VWC2: variants seen among roughly 807,000 people sequenced by gnomAD.
VWC2 encodes the protein von Willebrand factor C domain containing 2.
A neutral mutation model predicts 29.8 loss-of-function variants in VWC2; 14 were observed. The observed-to-expected ratio is 0.47, with a 90% CI of 0.31 to 0.74. The LOEUF is 0.74. Ranked by LOEUF, VWC2 falls within the 30% of genes least tolerant of loss-of-function variation. The pLI is 0.05. For synonymous variants in VWC2, 213 were observed against 199.0 expected (o/e 1.07, Z -0.59); for missense variants, 457 against 459.8 (o/e 0.99, Z 0.05).
chr7:49,857,905 G>C (rs1383114115), intron 3 of VWC2, among the ~76,000 whole-genome samples: 2 of 152,092 alleles, frequency 1.3e-5, no homozygotes, highest in South Asian at 4.2e-4. Context: ...AGCTAAGTTT[G>C]GTGTTTCCAC....
rs143312200 is a variant in VWC2 at position 49,798,032 on chromosome 7, G to A, written c.697-4679G>A. Among the ~76,000 whole-genome samples the A allele has an allele frequency of 3.5e-3, 535 of 152,356 alleles. 4 individuals carry two copies. Among genetic ancestry groups the A allele is most frequent in the Middle Eastern group, 0.01 (3 of 294 alleles). On this transcript the variant is annotated intron_variant, in intron 2 of 3. Coordinates refer to ENST00000340652, the MANE Select transcript of VWC2 (RefSeq NM_198570.5). The stretch of plus-strand genomic sequence containing the variant: ...CTGGGAAAATGATAACTTTAGAAGA[G>A]GAGAAAAGTTTGTGTCATCTGATCG...
chr7:49,838,613 G>A (rs1051425107), intron 3 of VWC2, among the ~76,000 whole-genome samples: 4 of 151,978 alleles, frequency 2.6e-5, no homozygotes, highest in African/African-American at 9.7e-5. Context: ...TTGAGTAGAC[G>A]ATGCCCTTGG....
chr7:49,782,334 T>C (rs1319909440), intron 2 of VWC2, among the ~76,000 whole-genome samples: 1 of 152,108 alleles, frequency 6.6e-6, no homozygotes, highest in African/African-American at 2.4e-5. Context: ...TAGTGCCCCC[T>C]CCAAAATCAT....
chr7:49,891,220 A>G (rs566368398), intron 3 of VWC2, among the ~76,000 whole-genome samples: 1 of 152,342 alleles, frequency 6.6e-6, no homozygotes, highest in East Asian at 1.9e-4. Flanking sequence ...CAGAACAGAC[A>G]AAGTAGATTT....
rs1445983000 is a variant in VWC2, at chr7:49,916,779, T to G, written c.*4594T>G. On this transcript the variant is annotated 3_prime_UTR_variant, in exon 4 of 4. Coordinates refer to ENST00000340652, the MANE Select transcript of VWC2 (RefSeq NM_198570.5). ...TACTGTTTGCCAACCCAGTTGTCTT[T>G]TGATTTCTCTGTCAACTTACAAGTA... 1 of 152,250 alleles carries G rather than the reference T, an allele frequency of 6.6e-6. No homozygotes were observed. The highest frequency in any genetic ancestry group is 2.4e-5 in the African/African-American group (1 of 41,470). 9.4% of individuals were successfully genotyped at this position (152,250 alleles called of 1,614,324 possible).
intron 3 of VWC2, among the ~76,000 whole-genome samples, chr7:49,880,777 C>T (rs1791629755): frequency 6.6e-6 from 1 of 152,008 alleles, no homozygotes; most frequent in Non-Finnish European, 1.5e-5. Context: ...CACATGTATA[C>T]ATAGGCATTT....
At chr7:49,887,363 T>C (rs921680698) in intron 3 of VWC2, among the ~76,000 whole-genome samples, 4 of 152,248 alleles carry the variant, frequency 2.6e-5, no homozygotes, top group African/African-American at 9.6e-5. Context: ...CCTTGGATGA[T>C]GACACCATTT....
intron 3 of VWC2, 124 bp from the exon 4 acceptor site, chr7:49,911,910 C>A: frequency 1.4e-6 from 1 of 700,772 alleles, no homozygotes; most frequent in Non-Finnish European, 2.0e-6. Context: ...AACAAACAAA[C>A]AAACAAATAC....
Position 49,775,499 on chromosome 7 carries a change from C to T in VWC2, c.64C>T (p.Leu22=). Residue 22 remains leucine, a synonymous_variant, in exon 2 of 4, where the codon CTG becomes TTG. Transcript: ENST00000340652. ...LSSSLLVTCC[L]MVALCSPSIP... is the part of the protein sequence containing the mutation. The stretch of plus-strand genomic sequence containing the variant: ...CAGTTCCCTCCTGGTCACCTGCTGC[C>T]TGATGGTGGCTCTGTGCAGTCCGAG... 1.3e-6 allele frequency: 2 copies of T among 1,563,758 alleles called. No individual in the cohort carries two copies. Among genetic ancestry groups the T allele is most frequent in the Non-Finnish European group, 1.7e-6 (2 of 1,160,396 alleles).
rs142769906 is a variant in VWC2 at position 49,855,819 on chromosome 7, C to T, written c.826+52979C>T. On this transcript the variant is annotated intron_variant, in intron 3 of 3. Transcript: ENST00000340652. ...TCACCAGCCAGGGGCCGGTGGCTGA[C>T]GGTGCACGTTAATTCCCAGAGCACC... 2.7e-3 allele frequency among the ~76,000 whole-genome samples: 414 copies of T among 152,248 alleles called. 2 individuals are homozygous for T. The highest frequency in any genetic ancestry group is 9.1e-3 in the African/African-American group (379 of 41,536).
chr7:49,781,014 C>T (rs1788164683), intron 2 of VWC2, among the ~76,000 whole-genome samples: 1 of 152,218 alleles, frequency 6.6e-6, no homozygotes, highest in South Asian at 2.1e-4. Context: ...CGGTTATTCA[C>T]ACTTTTCAGT....
chr7:49,776,181 G>A, intron 2 of VWC2, 50 bp downstream of exon 2: 1 of 1,437,512 alleles, frequency 7.0e-7, no homozygotes. Context: ...AGGAAGGGGT[G>A]GAACAGCTTT....
chr7:49,786,580 C>T lies in VWC2; in HGVS notation c.696+10449C>T, dbSNP rs1269240326. Among the ~76,000 whole-genome samples, 3 of 152,340 alleles carry T rather than the reference C, an allele frequency of 2.0e-5. No homozygotes were observed. In the East Asian group the frequency reaches 5.8e-4, roughly 29 times the overall value. ...CCAACTACTTTCTGCAGTGGCTGAA[C>T]TAATTTACATTCCCTCCAACAGTGT... On this transcript the variant is annotated intron_variant, in intron 2 of 3. Coordinates refer to ENST00000340652, the MANE Select transcript of VWC2 (RefSeq NM_198570.5).
At chr7:49,812,130 T>A (rs1789025297) in intron 3 of VWC2, among the ~76,000 whole-genome samples, 1 of 152,206 alleles carries the variant, frequency 6.6e-6, no homozygotes, top group Admixed American at 6.5e-5. Flanking sequence ...AGAAAATTGA[T>A]CAGTGGTAGC....
At chr7:49,868,157 G>A (rs1790992135) in intron 3 of VWC2, among the ~76,000 whole-genome samples, 1 of 152,084 alleles carries the variant, frequency 6.6e-6, no homozygotes, top group East Asian at 1.9e-4. Flanking sequence ...TTATAAGTGA[G>A]GAAAACCCAA....
chr7:49,791,584 C>T (rs979412138), intron 2 of VWC2, among the ~76,000 whole-genome samples: 1 of 152,126 alleles, frequency 6.6e-6, no homozygotes, highest in East Asian at 1.9e-4. Context: ...GGAATCTGAT[C>T]ACTTCTGGGA....
intron 3 of VWC2, among the ~76,000 whole-genome samples, chr7:49,819,813 T>G (rs1021575476): frequency 6.6e-6 from 1 of 152,198 alleles, no homozygotes; most frequent in Non-Finnish European, 1.5e-5. Context: ...TGTGGGCTCC[T>G]CTGGTACCAT....
chr7:49,882,534 C>T (rs556052759), intron 3 of VWC2, among the ~76,000 whole-genome samples: 1 of 151,800 alleles, frequency 6.6e-6, no homozygotes, highest in African/African-American at 2.4e-5. Flanking sequence ...CAGAGGGACA[C>T]ACAGAGAGAG....
chr7:49,855,031 G>C (rs929280035), intron 3 of VWC2, among the ~76,000 whole-genome samples: 12 of 152,206 alleles, frequency 7.9e-5, no homozygotes, highest in Non-Finnish European at 1.8e-4. Context: ...GCCTCTTTGA[G>C]AGGGATGAGG....
Sources: gnomAD v4.1 joint callset for allele counts (sites outside exome capture counted in the v4.1 genomes callset) on GRCh38, gnomAD v4.1.1 for gene constraint, MANE v1.5 for transcripts, NCBI Gene and HGNC (gene_info 2026-07-23, HGNC 2026-07-21) for gene names.